HIRA: variants seen among roughly 807,000 people sequenced by gnomAD.
The protein encoded by HIRA is histone cell cycle regulator, also known as protein HIRA.
Under a neutral mutation model 126.6 loss-of-function variants are expected in HIRA, and 13 were observed. The observed-to-expected ratio is 0.10, with a 90% CI of 0.07 to 0.16. The LOEUF (loss-of-function observed/expected upper bound fraction) is 0.16. Ranked by LOEUF, HIRA falls within the 10% of genes least tolerant of loss-of-function variation. The probability of loss-of-function intolerance (pLI) is 1.00; values close to 1 mark genes in which losing one functional copy is unlikely to be tolerated. For missense variants in HIRA, 834 were observed against 1,314.4 expected (o/e 0.63, Z 5.65); for synonymous variants, 511 against 520.0 (o/e 0.98, Z 0.24).
At chr22:19,422,193 CAT>C (rs1556028886) in intron 1 of HIRA, among the ~76,000 whole-genome samples, 13,059 of 145,406 alleles carry the variant, frequency 0.09, 1,878 homozygotes, top group African/African-American at 0.32. Context: ...CACACACACA[CAT>C]ACACATATAT....
At chr22:19,360,680 C>T (rs183078794) in intron 17 of HIRA, among the ~76,000 whole-genome samples, 2 of 152,268 alleles carry the variant, frequency 1.3e-5, no homozygotes, top group East Asian at 3.9e-4. Context: ...GCAGGAGAGG[C>T]CTAGATACTA....
chr22:19,427,832 C>T (rs774587284), intron 1 of HIRA, among the ~76,000 whole-genome samples: 1 of 152,230 alleles, frequency 6.6e-6, no homozygotes, highest in Non-Finnish European at 1.5e-5. Flanking sequence ...TCTAAACATA[C>T]AAACTCCATA....
At position 19,359,416 on chromosome 22, in the gene HIRA, C is replaced by G; in HGVS notation, c.2154G>C (p.Leu718=). The G allele has an allele frequency of 6.2e-7, 1 of 1,610,642 alleles. No individual in the cohort carries two copies. The highest frequency in any genetic ancestry group is 1.1e-5 in the South Asian group (1 of 90,128). The change falls in exon 18 of 25, where the codon CTG becomes CTC. Residue 718 remains leucine (L), a synonymous_variant. Coordinates refer to ENST00000263208, the MANE Select transcript of HIRA (RefSeq NM_003325.4). ...NEVTVVGGVK[L]SRLKCNREGK... is the part of the protein sequence containing the mutation. The stretch of plus-strand genomic sequence containing the variant: ...CTTCCCGGTTGCACTTCAGGCGGCT[C>G]AGCTTCACGCCCCCCACCACTGTCA...
chr22:19,359,597 T>G, intron 17 of HIRA, 113 bp from the exon 18 acceptor site: 1 of 1,226,162 alleles, frequency 8.2e-7, no homozygotes, highest in Non-Finnish European at 1.1e-6. Context: ...AGAGGCAGAC[T>G]GGCTGGCCAA....
intron 2 of HIRA, among the ~76,000 whole-genome samples, chr22:19,410,116 A>T (rs537031749): frequency 1.3e-5 from 2 of 152,212 alleles, no homozygotes; most frequent in Non-Finnish European, 2.9e-5. Flanking sequence ...CACTATATAT[A>T]CATCTTGGTA....
chr22:19,331,588 T>C lies in HIRA; in HGVS notation c.2938-32A>G, dbSNP rs782120995. 1.1e-5 allele frequency: 17 copies of C among 1,559,628 alleles called. 1 individual carries two copies. In the South Asian group the frequency reaches 1.8e-4, roughly 17 times the overall value. ...ACACAGAGTGACAGCTGAGTGCAAG[T>C]GTCAGTGAAGAGACCTAGATTGTGG... On this transcript the variant is annotated intron_variant, in intron 24 of 24. Coordinates refer to ENST00000263208, the MANE Select transcript of HIRA (RefSeq NM_003325.4).
rs558834704 is a variant in HIRA at position 19,422,294 on chromosome 22, C to G, written c.37+9146G>C. Among the ~76,000 whole-genome samples the G allele has an allele frequency of 5.1e-4, 77 of 151,790 alleles. 1 individual carries two copies. Among genetic ancestry groups the G allele is most frequent in the Admixed American group, 8.6e-4 (13 of 15,196 alleles). ...ACACACACACACACAGAGTCTCCCC[C>G]ACCAGCTCCAACCATTTCTTGCCAT... On this transcript the variant is annotated intron_variant, in intron 1 of 24. Transcript: ENST00000263208.
rs562750190 is a variant in HIRA, at chr22:19,405,956, T to C, written c.303-76A>G. 2.9e-5 allele frequency: 27 copies of C among 933,208 alleles called. No individual in the cohort carries two copies. The East Asian group carries it at 6.8e-4, about 24-fold the overall frequency. The allele number at this position is 933,208 out of a possible 1,614,324, so 57.8% of individuals were successfully genotyped here. On this transcript the variant is annotated intron_variant, in intron 4 of 24. Transcript: ENST00000263208. ...CATAGAAATGCTCCCTGCAGCCAGC[T>C]TATCAGGGCACACAGAACAAAGCAA...
chr22:19,419,142 A>G (rs912535733), intron 1 of HIRA, among the ~76,000 whole-genome samples: 1 of 152,184 alleles, frequency 6.6e-6, no homozygotes, highest in Non-Finnish European at 1.5e-5. Flanking sequence ...AATGTGACCT[A>G]TATGCAAGTA....
intron 9 of HIRA, among the ~76,000 whole-genome samples, chr22:19,391,815 A>G (rs987490959): frequency 1.3e-5 from 2 of 152,118 alleles, no homozygotes; most frequent in African/African-American, 4.8e-5. Flanking sequence ...CAAGCCCAAC[A>G]TGCTGCTCAT....
chr22:19,393,816 C>T (rs2089202021), intron 8 of HIRA, among the ~76,000 whole-genome samples: 1 of 152,194 alleles, frequency 6.6e-6, no homozygotes, highest in Non-Finnish European at 1.5e-5. Flanking sequence ...TTCGCAACTA[C>T]TTAACAGCTT....
At position 19,360,181 on chromosome 22, in the gene HIRA, G is replaced by A. The variant is rs546970597; in HGVS notation, c.2086-697C>T. Among the ~76,000 whole-genome samples the A allele has an allele frequency of 3.3e-5, 5 of 152,290 alleles. No individual in the cohort carries two copies. In the South Asian group the frequency reaches 1.0e-3, roughly 32 times the overall value. ...TCTGTGCTTGTGTGGCCACTCAAGT[G>A]GGTGAGCTGGGCCGAGGGCTGACTG... is the stretch of plus-strand genomic sequence containing the variant. On this transcript the variant is annotated intron_variant, in intron 17 of 24. Coordinates refer to ENST00000263208, the MANE Select transcript of HIRA (RefSeq NM_003325.4).
At chr22:19,383,315 A>C (rs2089094063) in intron 13 of HIRA, among the ~76,000 whole-genome samples, 1 of 152,178 alleles carries the variant, frequency 6.6e-6, no homozygotes. Context: ...AAAAAGAAAA[A>C]AAAAATCAGC....
intron 12 of HIRA, among the ~76,000 whole-genome samples, chr22:19,384,341 AAAG>A (rs1168871940): frequency 6.6e-6 from 1 of 151,570 alleles, no homozygotes; most frequent in African/African-American, 2.4e-5. Context: ...AAAAAAAAAA[AAAG>A]AGAGATATCA....
At chr22:19,369,681 C>G (rs1257117957) in intron 15 of HIRA, among the ~76,000 whole-genome samples, 2 of 152,106 alleles carry the variant, frequency 1.3e-5, no homozygotes, top group Non-Finnish European at 2.9e-5. Flanking sequence ...CACCTGTAAT[C>G]CCAACACTGG....
intron 1 of HIRA, among the ~76,000 whole-genome samples, chr22:19,426,702 A>G (rs1376358695): frequency 6.6e-6 from 1 of 152,210 alleles, no homozygotes; most frequent in Non-Finnish European, 1.5e-5. Flanking sequence ...GAAAGGTTCA[A>G]TGTTTGTTGC....
chr22:19,383,778 C>T (rs1434638640), intron 12 of HIRA, 73 bp from the exon 13 acceptor site: 1 of 1,189,436 alleles, frequency 8.4e-7, no homozygotes, highest in Non-Finnish European at 1.2e-6. Context: ...AAAATAAAGT[C>T]TCTTTTTTTC....
rs1370416585 is a variant in HIRA at position 19,361,268 on chromosome 22, A to G, written c.2054T>C (p.Ile685Thr). Residue 685 changes from isoleucine to threonine, a missense_variant, in exon 17 of 25, where the codon ATT becomes ACT. Ile to Thr is a moderately conservative substitution (Grantham distance 89). This residue lies in a region of HIRA where 468 missense variants were observed against 574.2 expected (regional missense o/e 0.82). Coordinates refer to ENST00000263208, the MANE Select transcript of HIRA (RefSeq NM_003325.4). ...SAPALALKLP[I>T]PSPQRAFTLQ... is the part of the protein sequence containing the mutation. ...GGTGAATGCTCTCTGGGGGCTTGGAATTGGCAGCTTCAGTGCAAGTGCTGG... is the reference window on the plus strand; with the variant it reads ...GGTGAATGCTCTCTGGGGGCTTGGAGTTGGCAGCTTCAGTGCAAGTGCTGG... 2 of 1,614,208 alleles carry G rather than the reference A, an allele frequency of 1.2e-6. No homozygotes were observed. The highest frequency in any genetic ancestry group is 1.7e-6 in the Non-Finnish European group (2 of 1,180,022).
chr22:19,421,962 AT>A (rs2146256915), intron 1 of HIRA, among the ~76,000 whole-genome samples: 1 of 152,070 alleles, frequency 6.6e-6, no homozygotes, highest in East Asian at 1.9e-4. Flanking sequence ...GTGAGCCACC[AT>A]GCCCGGCCTG....
Sources: allele counts gnomAD v4.1 joint callset (sites outside exome capture counted in the v4.1 genomes callset), GRCh38; gene constraint gnomAD v4.1.1; regional missense constraint gnomAD v4.1.1; transcripts MANE v1.5; gene names NCBI Gene and HGNC (gene_info 2026-07-23, HGNC 2026-07-21).